The following COL4A1 variants were observed in gnomAD, a reference collection of about 807,000 sequenced individuals.
COL4A1 encodes collagen alpha-1(IV) chain.
A neutral mutation model predicts 216.6 loss-of-function variants in COL4A1; 40 were observed. The ratio of observed to expected loss-of-function variants is 0.18; its 90% confidence interval spans 0.14 to 0.24. COL4A1 has a LOEUF of 0.24. Ranked by LOEUF, COL4A1 falls within the 10% of genes least tolerant of loss-of-function variation. COL4A1 has a pLI of 1.00. For synonymous variants in COL4A1, 839 were observed against 810.7 expected (o/e 1.03, Z -0.59); for missense variants, 1,628 against 2,196.8 (o/e 0.74, Z 5.18).
At position 110,182,136 on chromosome 13, in the gene COL4A1, G is replaced by A. The variant is rs148106103; in HGVS notation, c.2096-747C>T. Among the ~76,000 whole-genome samples, 361 of 152,278 alleles carry A rather than the reference G, an allele frequency of 2.4e-3. 1 individual carries two copies. The highest frequency in any genetic ancestry group is 8.1e-3 in the African/African-American group (335 of 41,568). On this transcript the variant is annotated intron_variant, in intron 28 of 51. Transcript: ENST00000375820. The stretch of plus-strand genomic sequence containing the variant: ...AATGTGAGGGAGTTGTGAGTGTGAC[G>A]AGGCCTCAGCGCCTGGCCCTCCTGA...
chr13:110,212,280 T>C, intron 6 of COL4A1, 137 bp downstream of exon 6: 2 of 1,054,832 alleles, frequency 1.9e-6, no homozygotes, highest in South Asian at 1.3e-5. Context: ...CCTTACTAAA[T>C]AAAGCAAACT....
intron 20 of COL4A1, 51 bp from the exon 21 acceptor site, chr13:110,198,682 T>C (rs748829074): frequency 6.2e-7 from 1 of 1,607,580 alleles, no homozygotes. Context: ...ACTTAGCAAC[T>C]ACAGCATAAA....
At chr13:110,203,678 C>G in intron 17 of COL4A1, 71 bp from the exon 18 acceptor site, 1 of 1,531,718 alleles carries the variant, frequency 6.5e-7, no homozygotes, top group Non-Finnish European at 9.0e-7. Context: ...GCAGATTAAA[C>G]ATTTCTTCTG....
intron 13 of COL4A1, 74 bp from the exon 14 acceptor site, chr13:110,206,965 AGC>A: frequency 2.1e-6 from 3 of 1,414,216 alleles, no homozygotes; most frequent in Non-Finnish European, 2.0e-6. Context: ...TTAAACACAC[AGC>A]AGAAAAAAAA....
intron 1 of COL4A1, among the ~76,000 whole-genome samples, chr13:110,272,181 A>C (rs924906690): frequency 6.6e-6 from 1 of 152,274 alleles, no homozygotes; most frequent in Non-Finnish European, 1.5e-5. Flanking sequence ...TACAGCACAT[A>C]GGTGAAAAAT....
chr13:110,242,605 G>A (rs939415577), intron 2 of COL4A1, 70 bp downstream of exon 2: 85 of 1,506,890 alleles, frequency 5.6e-5, no homozygotes, highest in Non-Finnish European at 7.0e-5. Context: ...TGATTATTCG[G>A]TTACTGTTAA....
intron 21 of COL4A1, 43 bp from the exon 22 acceptor site, chr13:110,195,161 T>G (rs1878830873): frequency 6.5e-7 from 1 of 1,532,662 alleles, no homozygotes; most frequent in African/African-American, 1.4e-5. Context: ...AGCTAGGTGT[T>G]TTTACCCTCT....
chr13:110,168,386 G>A (rs1877442792), intron 43 of COL4A1, among the ~76,000 whole-genome samples: 1 of 152,134 alleles, frequency 6.6e-6, no homozygotes, highest in Non-Finnish European at 1.5e-5. Flanking sequence ...AAATTACCTA[G>A]GCTTACATTA....
intron 1 of COL4A1, among the ~76,000 whole-genome samples, chr13:110,289,417 C>A (rs998687453): frequency 6.6e-6 from 1 of 152,164 alleles, no homozygotes; most frequent in African/African-American, 2.4e-5. Context: ...TGTGAGGGGA[C>A]AAGGCCCTGC....
intron 1 of COL4A1, among the ~76,000 whole-genome samples, chr13:110,249,505 G>A (rs1881984064): frequency 2.0e-5 from 3 of 152,116 alleles, no homozygotes. Flanking sequence ...GCTGAAGCAG[G>A]CACAAAAGAA....
chr13:110,296,867 C>T (rs1305150475), intron 1 of COL4A1, among the ~76,000 whole-genome samples: 4 of 152,182 alleles, frequency 2.6e-5, no homozygotes, highest in Admixed American at 2.6e-4. Context: ...CTTATGTTTA[C>T]TGATTTATTA....
chr13:110,185,631 C>T (rs578148255), intron 26 of COL4A1, among the ~76,000 whole-genome samples: 1 of 152,332 alleles, frequency 6.6e-6, no homozygotes, highest in Non-Finnish European at 1.5e-5. Context: ...TAGGGAAGAA[C>T]AGGCGTGCTC....
rs546835166 is a variant in COL4A1 at position 110,179,473 on chromosome 13, T to A, written c.2194-52A>T. 4.4e-5 allele frequency: 71 copies of A among 1,613,508 alleles called. No homozygotes were observed. In the African/African-American group the frequency reaches 6.4e-4, roughly 15 times the overall value. ...CAAATTGATTTGCAAAGTCAGTATT[T>A]TTATCAAACCAATAGCGTAAGTGAA... On this transcript the variant is annotated intron_variant, in intron 29 of 51. Coordinates refer to ENST00000375820, the MANE Select transcript of COL4A1 (RefSeq NM_001845.6).
At chr13:110,284,750 A>C (rs1050957487) in intron 1 of COL4A1, among the ~76,000 whole-genome samples, 1 of 152,208 alleles carries the variant, frequency 6.6e-6, no homozygotes, top group Non-Finnish European at 1.5e-5. Flanking sequence ...GTATTCACCT[A>C]ATCAGAACAG....
chr13:110,162,124 C>T lies in COL4A1; in HGVS notation c.4462+106G>A, dbSNP rs1456669863. 39 of 1,066,246 alleles carry T rather than the reference C, an allele frequency of 3.7e-5. No individual in the cohort carries two copies. In the East Asian group the frequency reaches 8.5e-4, roughly 23 times the overall value. 66.0% of individuals were successfully genotyped at this position (1,066,246 alleles called of 1,614,324 possible). A position where few individuals can be genotyped will look rare whatever the true frequency, so the allele number is the denominator to read the frequency against. ...ACCGCCCTCATGGCGCAGTGTTTCA[C>T]TCGCTACTGCCCTCACTGCAGCAGC... On this transcript the variant is annotated intron_variant, in intron 48 of 51. Transcript: ENST00000375820.
chr13:110,192,321 C>A, intron 23 of COL4A1, 37 bp from the exon 24 acceptor site: 1 of 1,584,902 alleles, frequency 6.3e-7, no homozygotes, highest in East Asian at 2.2e-5. Context: ...AGCAACACAG[C>A]ATTCATGAGA....
chr13:110,293,718 T>C (rs542350037), intron 1 of COL4A1, among the ~76,000 whole-genome samples: 1 of 152,336 alleles, frequency 6.6e-6, no homozygotes, highest in African/African-American at 2.4e-5. Context: ...TCTAGAATTA[T>C]TTTCCACCAA....
chr13:110,222,824 C>T (rs1488643726), intron 2 of COL4A1, among the ~76,000 whole-genome samples: 1 of 141,070 alleles, frequency 7.1e-6, no homozygotes, highest in African/African-American at 2.6e-5. Context: ...CCTAAATATT[C>T]ATTGTAGTAA....
At chr13:110,236,823 T>C (rs1460445751) in intron 2 of COL4A1, among the ~76,000 whole-genome samples, 1 of 152,204 alleles carries the variant, frequency 6.6e-6, no homozygotes, top group Non-Finnish European at 1.5e-5. Context: ...GTTTTATTCC[T>C]AATGCACAGG....
Sources: allele counts gnomAD v4.1 joint callset (sites outside exome capture counted in the v4.1 genomes callset), GRCh38; gene constraint gnomAD v4.1.1; transcripts MANE v1.5; gene names NCBI Gene and HGNC (gene_info 2026-07-23, HGNC 2026-07-21).